The following ULK2 variants were observed in gnomAD, a reference collection of about 807,000 sequenced individuals.
The protein encoded by ULK2 is serine/threonine-protein kinase ULK2.
In ULK2, 76 loss-of-function variants were observed where a neutral mutation model predicts 127.5. That is an observed-to-expected ratio of 0.60 (90% confidence interval 0.50 to 0.72). The LOEUF is 0.72. Among genes scored for constraint, ULK2 ranks in the 30% least tolerant of loss-of-function variants. The probability of loss-of-function intolerance (pLI) is 0.00; values close to 1 mark genes in which losing one functional copy is unlikely to be tolerated. For synonymous variants in ULK2, 452 were observed against 461.9 expected (o/e 0.98, Z 0.28); for missense variants, 1,144 against 1,295.9 (o/e 0.88, Z 1.80).
chr17:19,774,971 A>G lies in ULK2; in HGVS notation c.*1378T>C, dbSNP rs1034544342. The G allele has an allele frequency of 6.5e-6, 1 of 152,684 alleles. No individual in the cohort carries two copies. Among genetic ancestry groups the G allele is most frequent in the Non-Finnish European group, 1.5e-5 (1 of 68,048 alleles). 9.5% of individuals were successfully genotyped at this position (152,684 alleles called of 1,614,324 possible). ...CATACAGATAAATAAGGTAAAAATTACATTACTTTGTCAAAGTAAAGGAAA... is the reference window on the plus strand; with the variant it reads ...CATACAGATAAATAAGGTAAAAATTGCATTACTTTGTCAAAGTAAAGGAAA... On this transcript the variant is annotated 3_prime_UTR_variant, in exon 27 of 27. Coordinates refer to ENST00000395544, the MANE Select transcript of ULK2 (RefSeq NM_014683.4).
Position 19,790,924 on chromosome 17 carries a change from T to A in ULK2, c.2101+4698A>T, listed in dbSNP as rs527783315. ...ATAAAAAGGGACAAAGGTCATTATATAATGACGAAGGGGTCAATTCGGCAA... is the reference window on the plus strand; with the variant it reads ...ATAAAAAGGGACAAAGGTCATTATAAAATGACGAAGGGGTCAATTCGGCAA... On this transcript the variant is annotated intron_variant, in intron 20 of 26. Coordinates refer to ENST00000395544, the MANE Select transcript of ULK2 (RefSeq NM_014683.4). Among the ~76,000 whole-genome samples the A allele has an allele frequency of 6.6e-4, 100 of 152,354 alleles. 1 individual carries two copies. Among genetic ancestry groups the A allele is most frequent in the African/African-American group, 2.4e-3 (99 of 41,590 alleles).
intron 3 of ULK2, among the ~76,000 whole-genome samples, chr17:19,852,260 G>A (rs957396045): frequency 5.9e-5 from 9 of 151,668 alleles, no homozygotes; most frequent in African/African-American, 1.5e-4. Flanking sequence ...AGTGGCTCAC[G>A]CCTGTAATCC....
At chr17:19,808,607 T>C (rs889880424) in intron 14 of ULK2, among the ~76,000 whole-genome samples, 2 of 152,242 alleles carry the variant, frequency 1.3e-5, no homozygotes, top group African/African-American at 4.8e-5. Context: ...AATTTAAAAA[T>C]GGGCAAAGAT....
intron 14 of ULK2, among the ~76,000 whole-genome samples, chr17:19,810,123 C>T (rs375956907): frequency 6.7e-6 from 1 of 149,708 alleles, no homozygotes; most frequent in Non-Finnish European, 1.5e-5. Context: ...CCCAGCTACT[C>T]GGGAGGCTGA....
Position 19,796,157 on chromosome 17 carries a change from G to A in ULK2, c.1935C>T (p.Cys645=). 1 of 1,614,158 alleles carries A rather than the reference G, an allele frequency of 6.2e-7. No homozygotes were observed. Among genetic ancestry groups the A allele is most frequent in the Non-Finnish European group, 8.5e-7 (1 of 1,180,042 alleles). ...GCCTCTCACTTCCTTGCACTAAGAG[G>A]CAATGGGCACATTCCCGTGGCTCAT... is the stretch of plus-strand genomic sequence containing the variant. ...DGNEPRECAH[C]LLVQGSERQR... Residue 645 remains cysteine, a synonymous_variant, in exon 19 of 27, where the codon TGC becomes TGT. Transcript: ENST00000395544.
intron 8 of ULK2, among the ~76,000 whole-genome samples, chr17:19,842,048 T>G (rs2041770951): frequency 6.6e-6 from 1 of 152,246 alleles, no homozygotes; most frequent in South Asian, 2.1e-4. Flanking sequence ...AAAAGAACTA[T>G]GTATACTGCT....
At chr17:19,865,444 ATGT>A (rs2042332588) in intron 2 of ULK2, among the ~76,000 whole-genome samples, 1 of 152,186 alleles carries the variant, frequency 6.6e-6, no homozygotes, top group African/African-American at 2.4e-5. Context: ...GGTAAAAACA[ATGT>A]ACAAGATGGG....
At chr17:19,861,106 T>C (rs937707611) in intron 3 of ULK2, 7 of 152,006 alleles carry the variant, frequency 4.6e-5, no homozygotes, top group African/African-American at 1.5e-4. Context: ...CAGTATACCA[T>C]GTACAAAATA....
At chr17:19,838,372 C>G (rs2152396109) in intron 10 of ULK2, 129 bp downstream of exon 10, 1 of 770,174 alleles carries the variant, frequency 1.3e-6, no homozygotes. Flanking sequence ...ATTTACGAAA[C>G]CAGTGAAGGA....
At chr17:19,843,457 C>T (rs544420674) in intron 7 of ULK2, among the ~76,000 whole-genome samples, 1 of 151,904 alleles carries the variant, frequency 6.6e-6, no homozygotes, top group South Asian at 2.1e-4. Flanking sequence ...GTTATAGAAA[C>T]AAATGTTTCA....
At chr17:19,780,432 TAAG>T in intron 25 of ULK2, 37 bp downstream of exon 25, 2 of 1,504,850 alleles carry the variant, frequency 1.3e-6, no homozygotes, top group Non-Finnish European at 1.8e-6. Context: ...CACTTAAAGA[TAAG>T]TAGTACTATA....
chr17:19,848,247 TTC>T (rs2041936025), intron 5 of ULK2: 1 of 152,230 alleles, frequency 6.6e-6, no homozygotes, highest in Non-Finnish European at 1.5e-5. Context: ...ACAAGTGTAA[TTC>T]CTTACCTACA....
chr17:19,843,198 G>T lies in ULK2; in HGVS notation c.568C>A (p.His190Asn). The T allele has an allele frequency of 6.3e-7, 1 of 1,586,140 alleles. No individual in the cohort carries two copies. Among genetic ancestry groups the T allele is most frequent in the Non-Finnish European group, 8.5e-7 (1 of 1,172,238 alleles). Residue 190 changes from histidine (H) to asparagine (N), a missense_variant, in exon 8 of 27, where the codon CAT becomes AAT. Around this residue, in one of 2 missense-constraint regions of ULK2, gnomAD observed 231 missense variants for 325.4 expected, o/e 0.71. Coordinates refer to ENST00000395544, the MANE Select transcript of ULK2 (RefSeq NM_014683.4). ...CACAAGTCAGCCTTAGCATCATAAT[G>T]TTGAGACATAATAACCTCAGGAGCC... Reference protein sequence around the residue: ...YMAPEVIMSQHYDAKADLWSI... With the variant: ...YMAPEVIMSQNYDAKADLWSI...
Position 19,774,933 on chromosome 17 carries a change from A to G in ULK2, c.*1416T>C, listed in dbSNP as rs952870283. 4 of 152,688 alleles carry G rather than the reference A, an allele frequency of 2.6e-5. No homozygotes were observed. The highest frequency in any genetic ancestry group is 9.6e-5 in the African/African-American group (4 of 41,466). 9.5% of individuals were successfully genotyped at this position (152,688 alleles called of 1,614,324 possible). A position where few individuals can be genotyped will look rare whatever the true frequency, so the allele number is the denominator to read the frequency against. On this transcript the variant is annotated 3_prime_UTR_variant, in exon 27 of 27. Coordinates refer to ENST00000395544, the MANE Select transcript of ULK2 (RefSeq NM_014683.4). ...GTCATATAAATAAATGTTCAAATTA[A>G]CTACTGGAATTTCATACAGATAAAT...
chr17:19,825,280 C>T (rs2041260120), intron 11 of ULK2, 98 bp from the exon 12 acceptor site: 1 of 956,572 alleles, frequency 1.0e-6, no homozygotes, highest in Non-Finnish European at 1.6e-6. Context: ...CCTTTGTGTT[C>T]CCCCAAAATC....
At chr17:19,827,834 C>G (rs9890667) in intron 10 of ULK2, among the ~76,000 whole-genome samples, 1 of 151,574 alleles carries the variant, frequency 6.6e-6, no homozygotes. Context: ...CGCTTGAACC[C>G]GGAAGGTGGA....
chr17:19,803,051 T>G (rs1201203037), intron 15 of ULK2, among the ~76,000 whole-genome samples: 1 of 152,240 alleles, frequency 6.6e-6, no homozygotes, highest in Non-Finnish European at 1.5e-5. Context: ...TTCCAATTTT[T>G]GCTTAAAAGC....
chr17:19,843,344 A>ATAG (rs1191361467), intron 7 of ULK2, 122 bp from the exon 8 acceptor site: 1 of 565,664 alleles, frequency 1.8e-6, no homozygotes, highest in East Asian at 3.1e-5. Context: ...ACACCCTGTG[A>ATAG]TAGTTCTCTA....
At chr17:19,782,733 T>C (rs1440695571) in intron 22 of ULK2, among the ~76,000 whole-genome samples, 3 of 152,134 alleles carry the variant, frequency 2.0e-5, no homozygotes, top group South Asian at 2.1e-4. Flanking sequence ...CTGGCCAACA[T>C]GGCGAAATCC....
Sources: allele counts gnomAD v4.1 joint callset (sites outside exome capture counted in the v4.1 genomes callset), GRCh38; gene constraint gnomAD v4.1.1; regional missense constraint gnomAD v4.1.1; transcripts MANE v1.5; gene names NCBI Gene and HGNC (gene_info 2026-07-23, HGNC 2026-07-21).